MKRN2: variants seen among roughly 807,000 people sequenced by gnomAD.
The protein encoded by MKRN2 is makorin ring finger protein 2, also known as E3 ubiquitin-protein ligase makorin-2.
MKRN2 carries 32 observed loss-of-function variants against 45.4 expected under a neutral mutation model. That is an observed-to-expected ratio of 0.70 (90% CI 0.53 to 0.95). MKRN2 has a LOEUF of 0.95. Among genes scored for constraint, MKRN2 ranks in the 40% least tolerant of loss-of-function variants. The pLI is 0.00. For synonymous variants in MKRN2, 206 were observed against 192.4 expected (o/e 1.07, Z -0.59); for missense variants, 526 against 536.7 (o/e 0.98, Z 0.20).
rs759843454 is a variant in MKRN2 at position 12,581,810 on chromosome 3, A to G, written c.971A>G (p.Lys324Arg). 1 of 1,613,884 alleles carries G rather than the reference A, an allele frequency of 6.2e-7. No individual in the cohort carries two copies. Among genetic ancestry groups the G allele is most frequent in the South Asian group, 1.1e-5 (1 of 91,076 alleles). Residue 324 changes from lysine (K) to arginine (R), a missense_variant and splice_region_variant, in exon 7 of 8, where the codon AAA becomes AGA. Transcript: ENST00000170447. The part of the protein sequence containing the change: ...LIEAFKQGMG[K>R]KACKYFEQGK... ...GACTTTTTCTTTCTGCTTTTCAGGA[A>G]AAAAGCCTGTAAATACTTTGAGCAA... is the stretch of plus-strand genomic sequence containing the variant.
At position 12,582,193 on chromosome 3, in the gene MKRN2, C is replaced by T. The variant is rs146945776; in HGVS notation, c.1191C>T (p.Asp397=). ...SRHVPNNEDV[D]MTELGDLFMH... is the part of the protein sequence containing the mutation. ...ATGTCCCCAACAATGAAGATGTCGA[C>T]ATGACAGAGCTCGGGGACCTCTTCA... Residue 397 remains aspartate (D), a synonymous_variant, in exon 8 of 8, where the codon GAC becomes GAT. Transcript: ENST00000170447. 127 of 1,614,030 alleles carry T rather than the reference C, an allele frequency of 7.9e-5. No homozygotes were observed. Among genetic ancestry groups the T allele is most frequent in the Non-Finnish European group, 1.1e-4 (125 of 1,180,042 alleles).
intron 6 of MKRN2, 190 bp downstream of exon 6, chr3:12,576,931 GTGT>G: frequency 8.2e-6 from 1 of 122,146 alleles, no homozygotes; most frequent in Non-Finnish European, 1.5e-5. Flanking sequence ...TTTAGTTTTG[GTGT>G]TTTTTTTTTT....
chr3:12,561,842 G>A (rs1180580744), intron 1 of MKRN2, among the ~76,000 whole-genome samples: 1 of 151,904 alleles, frequency 6.6e-6, no homozygotes, highest in African/African-American at 2.4e-5. Context: ...TTGCAGTCTT[G>A]AGTAGCATTT....
chr3:12,572,368 G>A lies in MKRN2; in HGVS notation c.637G>A (p.Glu213Lys). ...PFDPEQRKAH[E>K]KICMLTFEHE... ...CGACCCAGAGCAGAGGAAGGCTCAT[G>A]AAAAGGTAAAGTCACAAACCTTTGC... The change falls in exon 4 of 8, where the codon GAA becomes AAA. Residue 213 changes from glutamate (E) to lysine (K), a missense_variant. By Grantham distance (56) the Glu-to-Lys change is moderately conservative (BLOSUM62 1). Coordinates refer to ENST00000170447, the MANE Select transcript of MKRN2 (RefSeq NM_014160.5). 2 of 1,556,790 alleles carry A rather than the reference G, an allele frequency of 1.3e-6. No homozygotes were observed. The highest frequency in any genetic ancestry group is 1.7e-4 in the Middle Eastern group (1 of 5,770).
chr3:12,570,151 A>G lies in MKRN2; in HGVS notation c.236A>G (p.His79Arg). ...MAHSVPSPAF[H>R]SPHPPSEVTA... is the part of the protein sequence containing the mutation. ...CACAGTGTGCCCTCCCCAGCTTTCC[A>G]CAGTCCTCACCCTCCTTCCGAGGTC... The change falls in exon 3 of 8, where the codon CAC (histidine) becomes CGC (arginine). Residue 79 changes from histidine to arginine, a missense_variant. Transcript: ENST00000170447. 1 of 1,614,114 alleles carries G rather than the reference A, an allele frequency of 6.2e-7. No homozygotes were observed. The highest frequency in any genetic ancestry group is 8.5e-7 in the Non-Finnish European group (1 of 1,180,018).
At chr3:12,558,967 A>G (rs1489487911) in intron 1 of MKRN2, among the ~76,000 whole-genome samples, 2 of 152,236 alleles carry the variant, frequency 1.3e-5, no homozygotes, top group African/African-American at 4.8e-5. Flanking sequence ...TTAGCTTCCA[A>G]GTGACAGAGG....
chr3:12,578,029 A>C (rs1187044407), intron 6 of MKRN2, among the ~76,000 whole-genome samples: 1 of 152,166 alleles, frequency 6.6e-6, no homozygotes, highest in African/African-American at 2.4e-5. Flanking sequence ...AAACCCAGGT[A>C]GCAGTTCAGA....
exon 8 of MKRN2, chr3:12,583,698 C>CAAATCATCAAGAAAACCTGT: frequency 4.3e-6 from 1 of 233,458 alleles, no homozygotes; most frequent in Non-Finnish European, 8.5e-6. Flanking sequence ...AATTAAAACC[C>CAAATCATCAAGAAAACCTGT]AAATCATCAA....
At chr3:12,562,753 G>A (rs2450856) in intron 1 of MKRN2, among the ~76,000 whole-genome samples, 89,965 of 151,658 alleles carry the variant, frequency 0.59, 29,707 homozygotes, top group African/African-American at 0.89. Flanking sequence ...CCTATTGTCA[G>A]CTGTGCATGT....
At position 12,564,753 on chromosome 3, in the gene MKRN2, C is replaced by T. The variant is rs992727361; in HGVS notation, c.27-4122C>T. On this transcript the variant is annotated intron_variant, in intron 1 of 7. Transcript: ENST00000170447. ...CATTTCTATCACCCCCAAAAGATCC[C>T]TTGTGCCCATTAACAGTCACCCTCA... Among the ~76,000 whole-genome samples the T allele has an allele frequency of 2.0e-5, 3 of 152,234 alleles. No individual in the cohort carries two copies. The South Asian group carries it at 6.2e-4, about 32-fold the overall frequency.
At chr3:12,580,921 G>A (rs906512931) in intron 6 of MKRN2, among the ~76,000 whole-genome samples, 4 of 152,120 alleles carry the variant, frequency 2.6e-5, no homozygotes, top group African/African-American at 9.7e-5. Context: ...TGACAGCAGC[G>A]TGCCCTTTCT....
intron 1 of MKRN2, among the ~76,000 whole-genome samples, chr3:12,567,481 C>CTTTTTTTT (rs35726193): frequency 3.9e-5 from 3 of 76,960 alleles, no homozygotes; most frequent in Non-Finnish European, 2.4e-5. Context: ...GCTAGTTTAT[C>CTTTTTTTT]TTTTTTTTTT....
At position 12,572,056 on chromosome 3, in the gene MKRN2, GTGT is replaced by G; in HGVS notation, c.338-8_338-6del. 4 of 1,582,534 alleles carry G rather than the reference GTGT, an allele frequency of 2.5e-6. No individual in the cohort carries two copies. The highest frequency in any genetic ancestry group is 2.6e-6 in the Non-Finnish European group (3 of 1,162,498). ...CCATTTTCATGTGCATGTGTGCTGT[GTGT>G]TGTTTTCAGATCTCTCTGGCATGGC... On this transcript the variant is annotated splice_polypyrimidine_tract_variant and intron_variant, in intron 3 of 7. Transcript: ENST00000170447.
At chr3:12,568,835 T>G (rs1454547850) in intron 1 of MKRN2, 40 bp from the exon 2 acceptor site, 2 of 1,597,642 alleles carry the variant, frequency 1.3e-6, no homozygotes, top group Admixed American at 3.5e-5. Context: ...TAAAGCAAAA[T>G]GTGCTTCTAA....
chr3:12,578,704 C>G (rs73128401), intron 6 of MKRN2, among the ~76,000 whole-genome samples: 175 of 152,260 alleles, frequency 1.1e-3, no homozygotes, highest in African/African-American at 4.0e-3. Context: ...TGTTCATTCT[C>G]TGGTGCCTTC....
chr3:12,580,416 G>T (rs1032411380), intron 6 of MKRN2, among the ~76,000 whole-genome samples: 1 of 152,034 alleles, frequency 6.6e-6, no homozygotes, highest in Non-Finnish European at 1.5e-5. Flanking sequence ...AGATCAGCTG[G>T]CCAGGGAGCT....
intron 1 of MKRN2, among the ~76,000 whole-genome samples, chr3:12,565,316 T>C (rs2058062953): frequency 6.6e-6 from 1 of 152,176 alleles, no homozygotes; most frequent in African/African-American, 2.4e-5. Flanking sequence ...ATGTCTTTCA[T>C]AGGTTGTCCC....
chr3:12,576,230 T>TGTGTG (rs2058135770), intron 5 of MKRN2, among the ~76,000 whole-genome samples: 1 of 148,870 alleles, frequency 6.7e-6, no homozygotes, highest in Non-Finnish European at 1.5e-5. Context: ...TGTGTGTGTG[T>TGTGTG]ATTTTTTTTG....
Position 12,568,861 on chromosome 3 carries a change from G to T in MKRN2, c.27-14G>T, listed in dbSNP as rs866941804. ...GTGCTTCTAAAAGTTGTATGCCTGT[G>T]CTTGTCTCTGCAGGTATTTTATGCA... On this transcript the variant is annotated splice_polypyrimidine_tract_variant and intron_variant, in intron 1 of 7. Transcript: ENST00000170447. The T allele has an allele frequency of 6.2e-7, 1 of 1,609,888 alleles. No individual in the cohort carries two copies. Among genetic ancestry groups the T allele is most frequent in the African/African-American group, 1.3e-5 (1 of 74,768 alleles).
Sources: allele counts gnomAD v4.1 joint callset (sites outside exome capture counted in the v4.1 genomes callset), GRCh38; gene constraint gnomAD v4.1.1; transcripts MANE v1.5; gene names NCBI Gene and HGNC (gene_info 2026-07-23, HGNC 2026-07-21).